BMPR1B: variants seen among roughly 807,000 people sequenced by gnomAD.
BMPR1B encodes bone morphogenetic protein receptor type 1B, also known as bone morphogenetic protein receptor type-1B.
BMPR1B carries 12 observed loss-of-function variants against 59.1 expected under a neutral mutation model. The ratio of observed to expected loss-of-function variants is 0.20; its 90% CI spans 0.13 to 0.33. BMPR1B has a LOEUF of 0.33. Ranked by LOEUF, BMPR1B falls within the 10% of genes least tolerant of loss-of-function variation. The pLI is 1.00. For synonymous variants in BMPR1B, 237 were observed against 207.3 expected, an observed-to-expected ratio of 1.14 and a Z score of -1.23; for missense variants, 550 against 610.9, an observed-to-expected ratio of 0.90 and a Z score of 1.05.
intron 1 of BMPR1B, among the ~76,000 whole-genome samples, chr4:94,772,994 CTT>C (rs1044390109): frequency 2.6e-5 from 4 of 152,066 alleles, no homozygotes; most frequent in African/African-American, 7.2e-5. Flanking sequence ...TTCAAATCTT[CTT>C]TGTGTTCTCA....
chr4:94,876,321 ATAGTTC>A (rs1288889224), intron 2 of BMPR1B, among the ~76,000 whole-genome samples: 1 of 152,210 alleles, frequency 6.6e-6, no homozygotes, highest in East Asian at 1.9e-4. Context: ...TTTCATGCTG[ATAGTTC>A]TAGTTGGTGT....
At chr4:94,872,850 A>G (rs1214367670) in intron 1 of BMPR1B, among the ~76,000 whole-genome samples, 2 of 152,254 alleles carry the variant, frequency 1.3e-5, no homozygotes, top group African/African-American at 4.8e-5. Flanking sequence ...TAGATGTGAA[A>G]GTTGTACGAG....
chr4:95,112,238 CT>C (rs1288525806), intron 4 of BMPR1B, among the ~76,000 whole-genome samples: 1 of 151,904 alleles, frequency 6.6e-6, no homozygotes, highest in Non-Finnish European at 1.5e-5. Context: ...GATTCTTCAT[CT>C]CATCTTTTTA....
intron 1 of BMPR1B, among the ~76,000 whole-genome samples, chr4:94,820,722 G>C (rs951112646): frequency 3.9e-5 from 6 of 152,004 alleles, no homozygotes; most frequent in African/African-American, 1.5e-4. Context: ...TATATTTTCA[G>C]TTCTTACAGG....
At chr4:95,088,490 A>G (rs1428628579) in intron 3 of BMPR1B, among the ~76,000 whole-genome samples, 1 of 152,176 alleles carries the variant, frequency 6.6e-6, no homozygotes, top group Admixed American at 6.5e-5. Context: ...GACTGGGGCA[A>G]AGAACTTTTA....
chr4:94,837,385 C>T (rs1441783616), intron 1 of BMPR1B, among the ~76,000 whole-genome samples: 1 of 140,482 alleles, frequency 7.1e-6, no homozygotes, highest in Non-Finnish European at 1.6e-5. Flanking sequence ...ATTCTTCCTA[C>T]CCATGAGAAT....
intron 2 of BMPR1B, among the ~76,000 whole-genome samples, chr4:94,944,046 A>G (rs974781037): frequency 9.9e-5 from 15 of 152,156 alleles, no homozygotes; most frequent in Admixed American, 9.8e-4. Context: ...ACTTTCTTTC[A>G]TGCACAAAAT....
chr4:94,802,239 G>T lies in BMPR1B; in HGVS notation c.-183+44171G>T, dbSNP rs149070466. Among the ~76,000 whole-genome samples, 385 of 152,300 alleles carry T rather than the reference G, an allele frequency of 2.5e-3. 2 individuals are homozygous for T. The highest frequency in any genetic ancestry group is 4.0e-3 in the Non-Finnish European group (273 of 68,032). ...TTCTAGCTGAAATCTAAGCACTTGT[G>T]TTGAGAGGAGTCTGGCGTAGGGCTG... is the stretch of plus-strand genomic sequence containing the variant. On this transcript the variant is annotated intron_variant, in intron 1 of 12. Transcript: ENST00000515059.
intron 3 of BMPR1B, among the ~76,000 whole-genome samples, chr4:95,061,866 T>C (rs1369426090): frequency 6.6e-6 from 1 of 152,182 alleles, no homozygotes; most frequent in African/African-American, 2.4e-5. Context: ...GGGAGGGACC[T>C]GGTGGGAGGT....
At chr4:94,863,073 G>A (rs1265151813) in intron 1 of BMPR1B, among the ~76,000 whole-genome samples, 4 of 151,968 alleles carry the variant, frequency 2.6e-5, no homozygotes, top group Admixed American at 2.0e-4. Context: ...CCGAGATCGC[G>A]CCACTGCACT....
At chr4:94,810,645 G>C (rs1396627881) in intron 1 of BMPR1B, among the ~76,000 whole-genome samples, 1 of 152,098 alleles carries the variant, frequency 6.6e-6, no homozygotes, top group Non-Finnish European at 1.5e-5. Flanking sequence ...AAAAAGTATG[G>C]TCTCAAAACA....
At chr4:95,005,188 C>T (rs1241913946) in intron 3 of BMPR1B, among the ~76,000 whole-genome samples, 1 of 152,106 alleles carries the variant, frequency 6.6e-6, no homozygotes, top group African/African-American at 2.4e-5. Context: ...TTTGTGCTAA[C>T]ATGATTTCAT....
At chr4:95,011,045 C>T (rs1293467255) in intron 3 of BMPR1B, among the ~76,000 whole-genome samples, 2 of 151,982 alleles carry the variant, frequency 1.3e-5, no homozygotes, top group African/African-American at 2.4e-5. Flanking sequence ...GCTTTTTAAT[C>T]TGTACCTGAT....
chr4:95,155,339 A>G lies in BMPR1B; in HGVS notation c.*666A>G, dbSNP rs1165110323. On this transcript the variant is annotated 3_prime_UTR_variant, in exon 13 of 13. Coordinates refer to ENST00000515059, the MANE Select transcript of BMPR1B (RefSeq NM_001203.3). The stretch of plus-strand genomic sequence containing the variant: ...CAGGTGGCCTTTTGCAGCTTCAGGC[A>G]ATATGGAACAAATGAAGGTTTATGT... 1 of 152,308 alleles carries G rather than the reference A, an allele frequency of 6.6e-6. No homozygotes were observed. Among genetic ancestry groups the G allele is most frequent in the African/African-American group, 2.4e-5 (1 of 41,418 alleles). The allele number at this position is 152,308 out of a possible 1,614,324, so 9.4% of individuals were successfully genotyped here. A position where few individuals can be genotyped will look rare whatever the true frequency, so the allele number is the denominator to read the frequency against.
chr4:94,766,574 CTTATTG>C (rs1489453523), intron 1 of BMPR1B, among the ~76,000 whole-genome samples: 6 of 151,802 alleles, frequency 4.0e-5, no homozygotes, highest in Non-Finnish European at 8.8e-5. Context: ...TAAAAAGTTA[CTTATTG>C]TTATTTTTTT....
chr4:95,147,951 T>C (rs965684056), intron 10 of BMPR1B, among the ~76,000 whole-genome samples: 33 of 152,226 alleles, frequency 2.2e-4, no homozygotes, highest in Non-Finnish European at 4.4e-4. Context: ...CATTACTCTT[T>C]TCCCAGTCTA....
chr4:94,962,093 TTCCTTCCTTCCTTCCTTCCTTCC>T (rs1730385603), intron 2 of BMPR1B, among the ~76,000 whole-genome samples: 1 of 136,470 alleles, frequency 7.3e-6, no homozygotes, highest in African/African-American at 3.2e-5. Flanking sequence ...CCTTCCTTCC[TTCCTTCCTTCCTTCCTTCCTTCC>T]TTCCTTCTTT....
intron 12 of BMPR1B, 126 bp downstream of exon 12, chr4:95,152,899 T>C (rs1366283501): frequency 8.4e-7 from 1 of 1,193,314 alleles, no homozygotes; most frequent in African/African-American, 1.5e-5. Flanking sequence ...TGGCGCCTCA[T>C]TGCAGTAATT....
chr4:94,760,179 T>A (rs555588284), intron 1 of BMPR1B, among the ~76,000 whole-genome samples: 1 of 152,336 alleles, frequency 6.6e-6, no homozygotes, highest in Non-Finnish European at 1.5e-5. Flanking sequence ...TGTTAGTGAA[T>A]CATCACTATT....
Sources: gnomAD v4.1 joint callset for allele counts (sites outside exome capture counted in the v4.1 genomes callset) on GRCh38, gnomAD v4.1.1 for gene constraint, MANE v1.5 for transcripts, NCBI Gene and HGNC (gene_info 2026-07-23, HGNC 2026-07-21) for gene names.